DDX42: variants seen among roughly 807,000 people sequenced by gnomAD.
The protein encoded by DDX42 is ATP-dependent RNA helicase DDX42.
Under a neutral mutation model 101.5 loss-of-function variants are expected in DDX42, and 22 were observed. The observed-to-expected ratio is 0.22, with a 90% CI of 0.15 to 0.31. The LOEUF is 0.31. DDX42 is among the 10% of genes least tolerant of loss of function. The pLI, the probability that DDX42 is intolerant of heterozygous loss-of-function variation, is 1.00. For missense variants in DDX42, 849 were observed against 1,199.9 expected (o/e 0.71, Z 4.32); for synonymous variants, 402 against 401.2 (o/e 1.00, Z -0.02).
chr17:63,808,788 AGTTT>A, intron 9 of DDX42, 28 bp from the exon 10 acceptor site: 1 of 1,610,786 alleles, frequency 6.2e-7, no homozygotes, highest in Non-Finnish European at 8.5e-7. Flanking sequence ...TTAGTGTCAC[AGTTT>A]GTTAATATAT....
intron 6 of DDX42, among the ~76,000 whole-genome samples, chr17:63,801,900 T>C (rs1204807180): frequency 6.6e-6 from 1 of 152,136 alleles, no homozygotes; most frequent in Admixed American, 6.5e-5. Flanking sequence ...AAAATATCAG[T>C]GTTTCATCCA....
rs371713179 is a variant in DDX42, at chr17:63,807,861, T to A, written c.984T>A (p.Ile328=). The change falls in exon 9 of 18, where the codon ATT becomes ATA. Residue 328 remains isoleucine (I), a synonymous_variant. Transcript: ENST00000389924. ...QKELEPGDGP[I]AVIVCPTREL... ...AGTTGGAACCAGGTGATGGACCAAT[T>A]GCAGTGATTGTGTGTCCTACCAGGG... is the stretch of plus-strand genomic sequence containing the variant. 1.9e-6 allele frequency: 3 copies of A among 1,613,854 alleles called. No individual in the cohort carries two copies. Among genetic ancestry groups the A allele is most frequent in the Non-Finnish European group, 1.7e-6 (2 of 1,179,952 alleles).
In DDX42 at chr17:63,806,554, C is replaced by T; in HGVS notation, c.746C>T (p.Pro249Leu). ...LNLRVSGAAP[P>L]RPGSSFAHFG... ...CTCTAGGTCTCTGGTGCTGCACCTC[C>T]TAGACCAGGAAGTAGCTTTGCTCAT... is the stretch of plus-strand genomic sequence containing the variant. Residue 249 changes from proline (P) to leucine (L), a missense_variant, in exon 8 of 18, where the codon CCT (proline) becomes CTT (leucine). Physicochemically the swap from Pro to Leu is moderately conservative, Grantham distance 98. This residue lies in a region of DDX42 where 370 missense variants were observed against 608.8 expected (regional missense o/e 0.61). Transcript: ENST00000389924. The T allele has an allele frequency of 6.2e-7, 1 of 1,613,254 alleles. No individual in the cohort carries two copies.
At chr17:63,787,798 G>A (rs1456979129) in intron 2 of DDX42, among the ~76,000 whole-genome samples, 3 of 151,934 alleles carry the variant, frequency 2.0e-5, no homozygotes, top group Non-Finnish European at 4.4e-5. Flanking sequence ...CCAAGATGGT[G>A]CCATTGCACT....
intron 17 of DDX42, chr17:63,817,379 A>T (rs2597632): frequency 0.31 from 94,268 of 301,092 alleles, 16,159 homozygotes; most frequent in South Asian, 0.52. Flanking sequence ...CAGTATGAAA[A>T]TTTTTTTTAA....
In DDX42 at chr17:63,792,565, A is replaced by C. The variant is rs1449972151; in HGVS notation, c.372+3A>C. Reference sequence around the variant, plus strand: ...AGGCATTCATGGCTGAAGTGGAGGCAAGTATCAACATGTTTCATTAAAATA... The same window carrying C: ...AGGCATTCATGGCTGAAGTGGAGGCCAGTATCAACATGTTTCATTAAAATA... On this transcript the variant is annotated splice_donor_region_variant and intron_variant, in intron 3 of 17. Transcript: ENST00000389924. The C allele has an allele frequency of 5.0e-6, 8 of 1,606,744 alleles. No individual in the cohort carries two copies. The African/African-American group carries it at 1.1e-4, about 21-fold the overall frequency.
At chr17:63,794,541 A>G (rs1410695295) in intron 3 of DDX42, among the ~76,000 whole-genome samples, 1 of 151,882 alleles carries the variant, frequency 6.6e-6, no homozygotes, top group African/African-American at 2.4e-5. Flanking sequence ...ACTTTAGACT[A>G]TGTGCCGTAG....
chr17:63,811,513 G>A (rs770641863), intron 13 of DDX42: 39 of 349,308 alleles, frequency 1.1e-4, no homozygotes, highest in Middle Eastern at 8.1e-4. Context: ...TGGAACTGAC[G>A]TTTTAATTAT....
In DDX42 at chr17:63,803,434, G is replaced by A. The variant is rs1240731067; in HGVS notation, c.622-1637G>A. Among the ~76,000 whole-genome samples, 9 of 151,640 alleles carry A rather than the reference G, an allele frequency of 5.9e-5. No homozygotes were observed. The South Asian group carries it at 1.9e-3, about 32-fold the overall frequency. On this transcript the variant is annotated intron_variant, in intron 6 of 17. Coordinates refer to ENST00000389924, the MANE Select transcript of DDX42 (RefSeq NM_203499.3). ...TGAAACCCCCGTCTTTGGGATTGGT[G>A]GCAGGCATCAGTAATCCCAGTTACT...
intron 15 of DDX42, 76 bp from the exon 16 acceptor site, chr17:63,815,487 T>A: frequency 8.8e-7 from 1 of 1,131,312 alleles, no homozygotes; most frequent in Non-Finnish European, 1.3e-6. Context: ...CCCACTTAAT[T>A]TCCTCTTTGT....
intron 3 of DDX42, among the ~76,000 whole-genome samples, chr17:63,794,171 C>T (rs988826934): frequency 2.0e-5 from 3 of 152,108 alleles, no homozygotes; most frequent in Non-Finnish European, 2.9e-5. Context: ...TCTCTGCTGT[C>T]TTATTAGGTA....
intron 3 of DDX42, among the ~76,000 whole-genome samples, chr17:63,794,587 A>AG (rs2039669486): frequency 1.3e-5 from 2 of 151,870 alleles, no homozygotes; most frequent in Non-Finnish European, 2.9e-5. Flanking sequence ...TGCAGGGCCA[A>AG]GGTGGGAGAA....
At chr17:63,817,661 C>G (rs1416221219) in intron 17 of DDX42, 33 bp from the exon 18 acceptor site, 3 of 1,596,376 alleles carry the variant, frequency 1.9e-6, no homozygotes, top group Non-Finnish European at 2.6e-6. Context: ...AACTTGCTAT[C>G]TTACCTACTC....
chr17:63,802,401 C>A (rs775283850), intron 6 of DDX42, among the ~76,000 whole-genome samples: 4 of 152,150 alleles, frequency 2.6e-5, no homozygotes, highest in Non-Finnish European at 5.9e-5. Context: ...TTTCATAGAA[C>A]ACCACTTTCA....
chr17:63,815,619 T>C lies in DDX42; in HGVS notation c.1959T>C (p.Ile653=), dbSNP rs1332707131. The C allele has an allele frequency of 1.2e-6, 2 of 1,613,894 alleles. No homozygotes were observed. Among genetic ancestry groups the C allele is most frequent in the African/African-American group, 1.3e-5 (1 of 75,000 alleles). The change falls in exon 16 of 18, where the codon ATT becomes ATC. Residue 653 remains isoleucine, a synonymous_variant. Coordinates refer to ENST00000389924, the MANE Select transcript of DDX42 (RefSeq NM_203499.3). ...FKGGKGKKLN[I]GGGGLGYRER... ...GAGGGAAAGGAAAAAAGCTGAACAT[T>C]GGTGGAGGAGGCCTAGGCTACAGGG...
intron 3 of DDX42, among the ~76,000 whole-genome samples, chr17:63,796,861 C>T (rs549930884): frequency 1.8e-4 from 27 of 152,160 alleles, no homozygotes; most frequent in Non-Finnish European, 3.1e-4. Flanking sequence ...CTCTTTAAAA[C>T]AATTTCTCTT....
intron 15 of DDX42, 102 bp from the exon 16 acceptor site, chr17:63,815,461 G>T (rs1451130352): frequency 2.2e-5 from 18 of 800,748 alleles, no homozygotes; most frequent in Non-Finnish European, 3.4e-5. Context: ...TGAAAATTAA[G>T]CAAAAGTTCC....
At chr17:63,776,990 TG>T (rs1017530103) in intron 1 of DDX42, among the ~76,000 whole-genome samples, 12 of 152,148 alleles carry the variant, frequency 7.9e-5, no homozygotes, top group African/African-American at 2.9e-4. Flanking sequence ...CATTGTAACC[TG>T]GAACTCCTGG....
At chr17:63,816,819 AGCTTTCCT>A (rs1269372154) in intron 16 of DDX42, 41 bp from the exon 17 acceptor site, 1 of 1,515,632 alleles carries the variant, frequency 6.6e-7, no homozygotes, top group Non-Finnish European at 9.0e-7. Flanking sequence ...TATAGCAGTG[AGCTTTCCT>A]GCTTATTTTT....
Sources: allele counts gnomAD v4.1 joint callset (sites outside exome capture counted in the v4.1 genomes callset), GRCh38; gene constraint gnomAD v4.1.1; regional missense constraint gnomAD v4.1.1; transcripts MANE v1.5; gene names NCBI Gene and HGNC (gene_info 2026-07-23, HGNC 2026-07-21).